GALNTL6: variants seen among roughly 807,000 people sequenced by gnomAD.
GALNTL6 encodes polypeptide N-acetylgalactosaminyltransferase-like 6.
Under a neutral mutation model 73.7 loss-of-function variants are expected in GALNTL6, and 46 were observed. The ratio of observed to expected loss-of-function variants is 0.62; its 90% CI spans 0.49 to 0.80. The LOEUF (loss-of-function observed/expected upper bound fraction) is 0.80. GALNTL6 is among the 30% of genes least tolerant of loss of function. The pLI is 0.00. For synonymous variants in GALNTL6, 259 were observed against 263.7 expected (o/e 0.98, Z 0.17); for missense variants, 604 against 755.0 (o/e 0.80, Z 2.34).
chr4:172,737,278 C>T (rs979828093), intron 5 of GALNTL6, among the ~76,000 whole-genome samples: 2 of 152,164 alleles, frequency 1.3e-5, no homozygotes, highest in East Asian at 1.9e-4. Flanking sequence ...TTTTCTATGT[C>T]TTGCAGGTGG....
At chr4:172,235,251 A>C (rs1737202188) in intron 3 of GALNTL6, among the ~76,000 whole-genome samples, 1 of 151,994 alleles carries the variant, frequency 6.6e-6, no homozygotes, top group Admixed American at 6.6e-5. Flanking sequence ...TCTGTTGCCC[A>C]GGCTGGAGTG....
intron 2 of GALNTL6, among the ~76,000 whole-genome samples, chr4:172,033,345 G>A (rs976554753): frequency 5.3e-5 from 8 of 151,766 alleles, no homozygotes; most frequent in Non-Finnish European, 1.0e-4. Context: ...TTTTTCTATA[G>A]TGTAGAAGGG....
chr4:172,799,054 A>G (rs1740450558), intron 5 of GALNTL6, among the ~76,000 whole-genome samples: 1 of 152,150 alleles, frequency 6.6e-6, no homozygotes, highest in Non-Finnish European at 1.5e-5. Context: ...AATATGGGGG[A>G]TTAGCTAAGA....
At chr4:172,936,323 A>G (rs1748616704) in intron 9 of GALNTL6, among the ~76,000 whole-genome samples, 1 of 152,222 alleles carries the variant, frequency 6.6e-6, no homozygotes, top group Non-Finnish European at 1.5e-5. Context: ...CAGCAATATC[A>G]TACTAAATGG....
intron 8 of GALNTL6, among the ~76,000 whole-genome samples, chr4:172,888,035 G>A (rs912943096): frequency 6.6e-6 from 1 of 152,050 alleles, no homozygotes; most frequent in Admixed American, 6.6e-5. Context: ...TTTTAGCAGG[G>A]TTGTTTTTCA....
intron 7 of GALNTL6, among the ~76,000 whole-genome samples, chr4:172,814,375 TATGC>T (rs1482778672): frequency 6.6e-6 from 1 of 152,154 alleles, no homozygotes; most frequent in East Asian, 1.9e-4. Context: ...ACATAAGAAG[TATGC>T]ATTTAAAGAA....
At chr4:172,463,886 T>C (rs1732703735) in intron 5 of GALNTL6, among the ~76,000 whole-genome samples, 1 of 152,228 alleles carries the variant, frequency 6.6e-6, no homozygotes, top group Admixed American at 6.5e-5. Flanking sequence ...GTATATATTA[T>C]TAGTTTTCAA....
At chr4:172,089,101 T>G (rs1190728857) in intron 2 of GALNTL6, among the ~76,000 whole-genome samples, 2 of 152,184 alleles carry the variant, frequency 1.3e-5, no homozygotes, top group African/African-American at 4.8e-5. Context: ...GTTTTATTTC[T>G]GAGAATAGAC....
At chr4:172,417,172 ATG>A (rs201314253) in intron 5 of GALNTL6, among the ~76,000 whole-genome samples, 38 of 148,702 alleles carry the variant, frequency 2.6e-4, no homozygotes, top group Non-Finnish European at 3.7e-4. Flanking sequence ...CTGTTGCTTT[ATG>A]TGTGTGTGTG....
At chr4:172,208,422 TTAAC>T (rs1179356432) in intron 2 of GALNTL6, among the ~76,000 whole-genome samples, 3 of 152,136 alleles carry the variant, frequency 2.0e-5, no homozygotes, top group Non-Finnish European at 4.4e-5. Flanking sequence ...AGAAAATCGT[TTAAC>T]TATGAACCTG....
At chr4:172,513,499 G>A (rs977060490) in intron 5 of GALNTL6, among the ~76,000 whole-genome samples, 2 of 152,082 alleles carry the variant, frequency 1.3e-5, no homozygotes, top group Admixed American at 6.5e-5. Flanking sequence ...AGCCCTTTTT[G>A]TCATATTATC....
At chr4:172,185,370 GT>G (rs1735385929) in intron 2 of GALNTL6, among the ~76,000 whole-genome samples, 1 of 152,152 alleles carries the variant, frequency 6.6e-6, no homozygotes, top group Non-Finnish European at 1.5e-5. Context: ...AGCAGCACCT[GT>G]TTTAAGGAAA....
chr4:172,990,213 A>G (rs1310591893), intron 10 of GALNTL6, among the ~76,000 whole-genome samples: 1 of 152,264 alleles, frequency 6.6e-6, no homozygotes, highest in Non-Finnish European at 1.5e-5. Context: ...CTGTTATAAA[A>G]GAAAGCAGAT....
chr4:171,917,392 C>T (rs74684923), intron 2 of GALNTL6, among the ~76,000 whole-genome samples: 3,989 of 152,096 alleles, frequency 0.026, 172 homozygotes, highest in African/African-American at 0.091. Context: ...AGCTAAGGCT[C>T]CATAAGAAGC....
chr4:172,881,406 T>C (rs1358951682), intron 7 of GALNTL6, among the ~76,000 whole-genome samples: 5 of 152,240 alleles, frequency 3.3e-5, no homozygotes, highest in Non-Finnish European at 5.9e-5. Flanking sequence ...GAGAAAAACC[T>C]AAATTCCTCT....
intron 2 of GALNTL6, among the ~76,000 whole-genome samples, chr4:171,953,082 T>C (rs1002415304): frequency 6.6e-6 from 1 of 152,060 alleles, no homozygotes. Flanking sequence ...AAGGACATAA[T>C]GTTGAAAAGT....
Position 173,004,388 on chromosome 4 carries a change from G to C in GALNTL6, c.1372-4790G>C, listed in dbSNP as rs575794074. ...CACGCCTATAATCCCAGCACTTTGA[G>C]AGGCCAAGGCAGCGGATCATCTGAG... On this transcript the variant is annotated intron_variant, in intron 10 of 12. Coordinates refer to ENST00000506823, the MANE Select transcript of GALNTL6 (RefSeq NM_001034845.3). Among the ~76,000 whole-genome samples the C allele has an allele frequency of 1.2e-4, 19 of 152,292 alleles. 1 individual carries two copies. In the South Asian group the frequency reaches 3.7e-3, roughly 30 times the overall value.
rs542762873 is a variant in GALNTL6, at chr4:172,074,535, A to G, written c.139-155121A>G. Among the ~76,000 whole-genome samples, 4 of 146,212 alleles carry G rather than the reference A, an allele frequency of 2.7e-5. No individual in the cohort carries two copies. The South Asian group carries it at 8.7e-4, about 32-fold the overall frequency. ...ACTTCTTTAAACTGTGCTCAGTCATATGCATGCTTTACAAACTTTTTTTTT... is the reference window on the plus strand; with the variant it reads ...ACTTCTTTAAACTGTGCTCAGTCATGTGCATGCTTTACAAACTTTTTTTTT... On this transcript the variant is annotated intron_variant, in intron 2 of 12. Transcript: ENST00000506823.
At chr4:172,522,686 A>C (rs1344117410) in intron 5 of GALNTL6, among the ~76,000 whole-genome samples, 1 of 135,114 alleles carries the variant, frequency 7.4e-6, no homozygotes, top group Admixed American at 7.3e-5. Flanking sequence ...CCCAAAAAAA[A>C]AGTGTATTTT....
Sources: allele counts gnomAD v4.1 joint callset (sites outside exome capture counted in the v4.1 genomes callset), GRCh38; gene constraint gnomAD v4.1.1; transcripts MANE v1.5; gene names NCBI Gene and HGNC (gene_info 2026-07-23, HGNC 2026-07-21).